The following CBR4 variants were observed in gnomAD, a reference collection of about 807,000 sequenced individuals.
CBR4 encodes 3-oxoacyl-[acyl-carrier-protein] reductase.
Under a neutral mutation model 21.0 loss-of-function variants are expected in CBR4, and 22 were observed. That is an observed-to-expected ratio of 1.05 (90% CI 0.75 to 1.50). The LOEUF is 1.50. Among genes scored for constraint, CBR4 ranks in the 40% most tolerant of loss-of-function variants. The pLI is 0.00. For synonymous variants in CBR4, 100 were observed against 104.4 expected (o/e 0.96, Z 0.26); for missense variants, 302 against 286.3 (o/e 1.05, Z -0.40).
At chr4:168,902,916 C>G (rs1756855712) in intron 2 of CBR4, among the ~76,000 whole-genome samples, 1 of 152,072 alleles carries the variant, frequency 6.6e-6, no homozygotes, top group South Asian at 2.1e-4. Context: ...GGGCTATAGA[C>G]ATGCACCACC....
In CBR4 at chr4:168,896,405, A is replaced by T. The variant is rs548814502; in HGVS notation, n.170-1640T>A. On this transcript the variant is annotated intron_variant and non_coding_transcript_variant, in intron 2 of 3. Coordinates refer to the CBR4 transcript ENST00000509108. ...GTCCTGTACCAAAAGTGAGAAGCAGAATGGTTGTGTGAGTACTCACAGCAC... is the reference window on the plus strand; with the variant it reads ...GTCCTGTACCAAAAGTGAGAAGCAGTATGGTTGTGTGAGTACTCACAGCAC... 3.3e-5 allele frequency: 21 copies of T among 638,792 alleles called. No homozygotes were observed. The South Asian group carries it at 3.6e-4, about 11-fold the overall frequency. 39.6% of individuals were successfully genotyped at this position (638,792 alleles called of 1,614,324 possible). A position where few individuals can be genotyped will look rare whatever the true frequency, so the allele number is the denominator to read the frequency against.
chr4:169,003,037 AG>A (rs1277911867), intron 3 of CBR4, among the ~76,000 whole-genome samples: 5 of 152,212 alleles, frequency 3.3e-5, no homozygotes, highest in Non-Finnish European at 7.3e-5. Context: ...ATGTACAAGG[AG>A]ATTAATGTTG....
chr4:168,928,685 A>G (rs1293231493), intron 2 of CBR4, among the ~76,000 whole-genome samples: 1 of 152,128 alleles, frequency 6.6e-6, no homozygotes, highest in Non-Finnish European at 1.5e-5. Context: ...GCTCTGTGCA[A>G]TTGTAGAAGA....
At chr4:168,925,897 G>T (rs1200118220) in intron 2 of CBR4, among the ~76,000 whole-genome samples, 4 of 152,056 alleles carry the variant, frequency 2.6e-5, no homozygotes, top group Non-Finnish European at 4.4e-5. Flanking sequence ...TTTAAAAGGA[G>T]AGGGGGGATG....
chr4:168,925,217 CTCTT>C (rs775522460), intron 2 of CBR4: 9 of 1,601,364 alleles, frequency 5.6e-6, no homozygotes, highest in South Asian at 2.2e-5. Context: ...TGCTCTCTCT[CTCTT>C]TCTATTTGTA....
intron 2 of CBR4, chr4:168,898,747 A>C: frequency 7.1e-7 from 1 of 1,414,680 alleles, no homozygotes; most frequent in South Asian, 1.1e-5. Flanking sequence ...TTTAAGAGTC[A>C]TTCTCTGAGG....
chr4:168,995,397 G>A (rs1383598855), intron 4 of CBR4, among the ~76,000 whole-genome samples: 2 of 152,068 alleles, frequency 1.3e-5, no homozygotes, highest in Non-Finnish European at 1.5e-5. Context: ...GGGGAAAAAA[G>A]CAGATCTAGA....
intron 2 of CBR4, chr4:168,926,160 G>C: frequency 7.3e-7 from 1 of 1,366,064 alleles, no homozygotes; most frequent in Non-Finnish European, 9.8e-7. Flanking sequence ...ATATCTAAAG[G>C]CTTTCCAAGT....
intron 3 of CBR4, among the ~76,000 whole-genome samples, chr4:169,002,897 T>C (rs1193846418): frequency 6.6e-6 from 1 of 152,088 alleles, no homozygotes; most frequent in East Asian, 1.9e-4. Flanking sequence ...TTAAATTTTT[T>C]CATTATTATT....
chr4:168,973,841 C>T (rs1764287832), intron 2 of CBR4, among the ~76,000 whole-genome samples: 1 of 152,168 alleles, frequency 6.6e-6, no homozygotes, highest in African/African-American at 2.4e-5. Context: ...TAAAGGTGTT[C>T]ATAGTAGTCT....
At chr4:168,992,593 G>A (rs1190841382) in intron 4 of CBR4, among the ~76,000 whole-genome samples, 3 of 152,080 alleles carry the variant, frequency 2.0e-5, no homozygotes, top group African/African-American at 7.2e-5. Context: ...TAAAATGTAG[G>A]TTACAAATGA....
chr4:169,001,957 C>T (rs1730485168), intron 4 of CBR4, 114 bp downstream of exon 4: 4 of 1,036,170 alleles, frequency 3.9e-6, no homozygotes, highest in Non-Finnish European at 5.2e-6. Flanking sequence ...TGATTCTTTT[C>T]ACAATCATTT....
chr4:168,956,302 C>T (rs1158631936), intron 2 of CBR4, among the ~76,000 whole-genome samples: 1 of 151,978 alleles, frequency 6.6e-6, no homozygotes, highest in Non-Finnish European at 1.5e-5. Context: ...ACCAGCATTC[C>T]TTATCAAGAG....
chr4:168,956,328 G>A (rs1255067773), intron 2 of CBR4, among the ~76,000 whole-genome samples: 1 of 151,978 alleles, frequency 6.6e-6, no homozygotes, highest in African/African-American at 2.4e-5. Context: ...GAAATAGGCT[G>A]GGTGCAGTGG....
At chr4:168,907,385 T>C (rs1758022683) in intron 2 of CBR4, among the ~76,000 whole-genome samples, 1 of 152,142 alleles carries the variant, frequency 6.6e-6, no homozygotes, top group African/African-American at 2.4e-5. Context: ...TTCTACCCAG[T>C]ATGTTGTTGC....
At chr4:168,947,651 C>G (rs1487272911) in intron 2 of CBR4, among the ~76,000 whole-genome samples, 1 of 152,126 alleles carries the variant, frequency 6.6e-6, no homozygotes, top group South Asian at 2.1e-4. Context: ...GTTTTCTATT[C>G]CTGAGTTACT....
chr4:168,908,319 T>G (rs541115024), intron 2 of CBR4, among the ~76,000 whole-genome samples: 2 of 152,300 alleles, frequency 1.3e-5, no homozygotes, highest in African/African-American at 4.8e-5. Context: ...GACACACCAT[T>G]TTTCTACCTA....
intron 2 of CBR4, chr4:168,926,137 G>T (rs1762545884): frequency 8.3e-7 from 1 of 1,200,804 alleles, no homozygotes; most frequent in South Asian, 1.7e-5. Flanking sequence ...TAGACATTCT[G>T]TATTTATTTG....
intron 2 of CBR4, among the ~76,000 whole-genome samples, chr4:168,938,610 A>T (rs956132601): frequency 6.6e-6 from 1 of 152,190 alleles, no homozygotes; most frequent in Non-Finnish European, 1.5e-5. Flanking sequence ...AAACGCAATA[A>T]AAAATGACAC....
Sources: gnomAD v4.1 joint callset for allele counts (sites outside exome capture counted in the v4.1 genomes callset) on GRCh38, gnomAD v4.1.1 for gene constraint, MANE v1.5 for transcripts, NCBI Gene and HGNC (gene_info 2026-07-23, HGNC 2026-07-21) for gene names.